TMEM183A: variants seen among roughly 807,000 people sequenced by gnomAD.
TMEM183A encodes the protein chromosome 1 open reading frame 37.
TMEM183A carries 21 observed loss-of-function variants against 46.7 expected under a neutral mutation model. The observed-to-expected ratio is 0.45, with a 90% confidence interval of 0.32 to 0.65. TMEM183A has a LOEUF of 0.65. Among genes scored for constraint, TMEM183A ranks in the 30% least tolerant of loss-of-function variants. TMEM183A has a pLI of 0.04. For synonymous variants in TMEM183A, 165 were observed against 180.2 expected (o/e 0.92, Z 0.68); for missense variants, 331 against 481.9 (o/e 0.69, Z 2.93).
At chr1:203,015,176 T>C in intron 4 of TMEM183A, 128 bp downstream of exon 4, 1 of 1,307,028 alleles carries the variant, frequency 7.7e-7, no homozygotes, top group Non-Finnish European at 1.0e-6. Context: ...ATGACCCAGC[T>C]TTGGACTCCT....
chr1:203,023,094 G>C lies in TMEM183A; in HGVS notation c.*54G>C. On this transcript the variant is annotated 3_prime_UTR_variant, in exon 8 of 8. Coordinates refer to ENST00000367242, the MANE Select transcript of TMEM183A (RefSeq NM_138391.6). ...CTCGAGTGTAGTCCATTAGTAATCA[G>C]ATTCCAGTTTGGACAGGGTGGCTGG... 1 of 1,071,540 alleles carries C rather than the reference G, an allele frequency of 9.3e-7. No homozygotes were observed. The highest frequency in any genetic ancestry group is 1.3e-6 in the Non-Finnish European group (1 of 747,644). 66.4% of individuals were successfully genotyped at this position (1,071,540 alleles called of 1,614,324 possible). A position where few individuals can be genotyped will look rare whatever the true frequency, so the allele number is the denominator to read the frequency against.
At chr1:203,015,812 A>G (rs760529423) in intron 4 of TMEM183A, 148 bp from the exon 5 acceptor site, 2 of 1,002,110 alleles carry the variant, frequency 2.0e-6, no homozygotes, top group Non-Finnish European at 1.4e-6. Context: ...AAAAGTCGCC[A>G]AGAGGTCAAG....
Position 203,015,058 on chromosome 1 carries a change from CAG to C in TMEM183A, c.527+15_527+16del. 1 of 1,604,250 alleles carries C rather than the reference CAG, an allele frequency of 6.2e-7. No individual in the cohort carries two copies. The highest frequency in any genetic ancestry group is 8.5e-7 in the Non-Finnish European group (1 of 1,175,312). ...CCAGGTTGTACCGAAGGTGCGACCA[CAG>C]AGAGCTCACTCTTTTATCTGTGTGG... On this transcript the variant is annotated intron_variant, in intron 4 of 7. Coordinates refer to ENST00000367242, the MANE Select transcript of TMEM183A (RefSeq NM_138391.6).
intron 4 of TMEM183A, 114 bp from the exon 5 acceptor site, chr1:203,015,846 C>G: frequency 7.4e-7 from 1 of 1,345,124 alleles, no homozygotes; most frequent in African/African-American, 1.5e-5. Flanking sequence ...AGGCTATCTA[C>G]TGGCCAGTGG....
At chr1:203,018,359 G>A in intron 5 of TMEM183A, 122 bp from the exon 6 acceptor site, 1 of 1,111,162 alleles carries the variant, frequency 9.0e-7, no homozygotes. Flanking sequence ...CTCAGCATTG[G>A]GACCGTGGCT....
At chr1:203,010,978 AT>A (rs1461480379) in intron 3 of TMEM183A, among the ~76,000 whole-genome samples, 1 of 152,178 alleles carries the variant, frequency 6.6e-6, no homozygotes, top group Non-Finnish European at 1.5e-5. Context: ...AGCTTCTTTC[AT>A]TTAGCATAAT....
At chr1:203,021,086 C>A in intron 7 of TMEM183A, 138 bp downstream of exon 7, 1 of 997,434 alleles carries the variant, frequency 1.0e-6, no homozygotes, top group Non-Finnish European at 1.4e-6. Flanking sequence ...GGCTGAAGTG[C>A]AGTGATGGAA....
chr1:203,022,805 G>T, intron 7 of TMEM183A, 50 bp from the exon 8 acceptor site: 1 of 1,611,622 alleles, frequency 6.2e-7, no homozygotes, highest in South Asian at 1.1e-5. Context: ...GTGAGCTCTT[G>T]GAAACCAAGG....
chr1:203,019,949 A>ATAT (rs1329432200), intron 6 of TMEM183A, among the ~76,000 whole-genome samples: 1 of 150,974 alleles, frequency 6.6e-6, no homozygotes, highest in African/African-American at 2.4e-5. Flanking sequence ...CTCACTATGC[A>ATAT]TATAAAACCC....
intron 5 of TMEM183A, among the ~76,000 whole-genome samples, chr1:203,016,563 A>G (rs12133328): frequency 0.093 from 14,175 of 152,214 alleles, 713 homozygotes; most frequent in East Asian, 0.15. Flanking sequence ...CAACCTTGAC[A>G]TCAGGGATTC....
chr1:203,023,350 G>T lies in TMEM183A; in HGVS notation c.*310G>T. On this transcript the variant is annotated 3_prime_UTR_variant, in exon 8 of 8. Coordinates refer to ENST00000367242, the MANE Select transcript of TMEM183A (RefSeq NM_138391.6). ...CCCAGTGAAAATTGTTGATCTTGCT[G>T]TAGGGAAAAATTAAACTCTTTGAAT... 6.1e-6 allele frequency: 1 copy of T among 164,090 alleles called. No individual in the cohort carries two copies. The highest frequency in any genetic ancestry group is 1.8e-4 in the South Asian group (1 of 5,426). The allele number at this position is 164,090 out of a possible 1,614,324, so 10.2% of individuals were successfully genotyped here.
intron 3 of TMEM183A, among the ~76,000 whole-genome samples, chr1:203,009,921 G>A (rs980004035): frequency 6.6e-6 from 1 of 152,116 alleles, no homozygotes; most frequent in African/African-American, 2.4e-5. Flanking sequence ...AGATCACAAG[G>A]TCAGGAGTTC....
rs759535510 is a variant in TMEM183A at position 203,014,969 on chromosome 1, A to G, written c.448A>G (p.Ile150Val). The change falls in exon 4 of 8, where the codon ATT (isoleucine) becomes GTT (valine). Residue 150 changes from isoleucine to valine, a missense_variant. Ile to Val is a conservative substitution (Grantham distance 29, BLOSUM62 3). Transcript: ENST00000367242. The part of the protein sequence containing the change: ...LLASYIRPED[I>V]VNFSLICKNA... ...GGCCTCCTATATCCGTCCTGAGGAC[A>G]TTGTGAATTTTTCCCTGATTTGTAA... 12 of 1,613,458 alleles carry G rather than the reference A, an allele frequency of 7.4e-6. No individual in the cohort carries two copies. The highest frequency in any genetic ancestry group is 1.7e-5 in the Admixed American group (1 of 59,968).
At chr1:203,010,882 C>G (rs1571603533) in intron 3 of TMEM183A, among the ~76,000 whole-genome samples, 1 of 152,190 alleles carries the variant, frequency 6.6e-6, no homozygotes, top group Non-Finnish European at 1.5e-5. Context: ...CCTTGGAAAC[C>G]ACTAATCTAC....
chr1:203,007,819 C>T lies in TMEM183A; in HGVS notation c.155C>T (p.Ser52Phe). Residue 52 changes from serine (S) to phenylalanine (F), a missense_variant, in exon 2 of 8, where the codon TCT (serine) becomes TTT (phenylalanine). By Grantham distance (155) the Ser-to-Phe change is radical. This residue lies in a region of TMEM183A where 98 missense variants were observed against 96.1 expected (regional missense o/e 1.02). Transcript: ENST00000367242. ...YANSDPAVVR[S>F]GRVKKAVANA... is the part of the protein sequence containing the mutation. ...AACTCGGATCCGGCGGTCGTGAGGT[C>T]TGGACGAGTCAAGAAAGCCGTAGCC... The T allele has an allele frequency of 6.2e-7, 1 of 1,614,022 alleles. No homozygotes were observed. The highest frequency in any genetic ancestry group is 1.7e-5 in the Admixed American group (1 of 60,024).
rs768660676 is a variant in TMEM183A at position 203,017,853 on chromosome 1, G to T, written c.709-628G>T. Reference sequence around the variant, plus strand: ...ATTAATTTTGATGGAACAGCAGGACGTACAGGGCATGTCTGAAGGGCAGGA... The same window carrying T: ...ATTAATTTTGATGGAACAGCAGGACTTACAGGGCATGTCTGAAGGGCAGGA... On this transcript the variant is annotated intron_variant, in intron 5 of 7. Transcript: ENST00000367242. The T allele has an allele frequency of 4.1e-6, 4 of 985,956 alleles. No individual in the cohort carries two copies. In the East Asian group the frequency reaches 3.4e-4, roughly 84 times the overall value. 61.1% of individuals were successfully genotyped at this position (985,956 alleles called of 1,614,324 possible). A position where few individuals can be genotyped will look rare whatever the true frequency, so the allele number is the denominator to read the frequency against.
intron 7 of TMEM183A, 131 bp from the exon 8 acceptor site, chr1:203,022,720 GTGTT>G: frequency 8.1e-7 from 1 of 1,238,358 alleles, no homozygotes; most frequent in Non-Finnish European, 1.1e-6. Context: ...AAAAAAAAAG[GTGTT>G]TGTTTTATAA....
chr1:203,019,576 T>G (rs1317738331), intron 6 of TMEM183A, among the ~76,000 whole-genome samples: 1 of 152,214 alleles, frequency 6.6e-6, no homozygotes, highest in African/African-American at 2.4e-5. Context: ...AGTTACAGGA[T>G]AGTGGAAGTC....
chr1:203,024,732 TC>T lies in TMEM183A; in HGVS notation c.*1695del, dbSNP rs1468261996. The T allele has an allele frequency of 3.9e-5, 6 of 152,284 alleles. No individual in the cohort carries two copies. In the East Asian group the frequency reaches 9.6e-4, roughly 24 times the overall value. 9.4% of individuals were successfully genotyped at this position (152,284 alleles called of 1,614,324 possible). A position where few individuals can be genotyped will look rare whatever the true frequency, so the allele number is the denominator to read the frequency against. On this transcript the variant is annotated 3_prime_UTR_variant, in exon 8 of 8. Transcript: ENST00000367242. Reference sequence around the variant, plus strand: ...TTGAGGCAGGAGGGGAGAAGCACAGTCCCTGCCAGGTTGCCTGAACTAAAGA... The same window carrying T: ...TTGAGGCAGGAGGGGAGAAGCACAGTCCTGCCAGGTTGCCTGAACTAAAGA...
Sources: allele counts gnomAD v4.1 joint callset (sites outside exome capture counted in the v4.1 genomes callset), GRCh38; gene constraint gnomAD v4.1.1; regional missense constraint gnomAD v4.1.1; transcripts MANE v1.5; gene names NCBI Gene and HGNC (gene_info 2026-07-23, HGNC 2026-07-21).